The following KCNQ5 variants were observed in gnomAD, a reference collection of about 807,000 sequenced individuals.
KCNQ5 encodes potassium voltage-gated channel subfamily KQT member 5.
KCNQ5 carries 30 observed loss-of-function variants against 98.2 expected under a neutral mutation model. The ratio of observed to expected loss-of-function variants is 0.31; its 90% CI spans 0.23 to 0.41. The LOEUF (loss-of-function observed/expected upper bound fraction) is 0.41, where lower values mean the gene tolerates loss of function less well. Among genes scored for constraint, KCNQ5 ranks in the 10% least tolerant of loss-of-function variants. The pLI is 1.00. For missense variants in KCNQ5, 835 were observed against 1,182.5 expected (o/e 0.71, Z 4.31); for synonymous variants, 458 against 449.4 (o/e 1.02, Z -0.24).
chr6:73,117,799 T>C (rs1775568608), intron 7 of KCNQ5, among the ~76,000 whole-genome samples: 1 of 152,228 alleles, frequency 6.6e-6, no homozygotes, highest in Non-Finnish European at 1.5e-5. Context: ...ATCCATGTGT[T>C]TTCCTTAATT....
intron 1 of KCNQ5, among the ~76,000 whole-genome samples, chr6:72,737,117 C>T (rs1770890778): frequency 6.6e-6 from 1 of 152,224 alleles, no homozygotes; most frequent in African/African-American, 2.4e-5. Flanking sequence ...TCTGCCATCA[C>T]GCCCGGCTAA....
intron 1 of KCNQ5, among the ~76,000 whole-genome samples, chr6:72,735,357 G>A (rs1434963377): frequency 6.6e-6 from 1 of 152,138 alleles, no homozygotes; most frequent in African/African-American, 2.4e-5. Flanking sequence ...AAGCATTGAA[G>A]ACATTATTTG....
At chr6:72,814,108 G>A (rs768707966) in intron 1 of KCNQ5, among the ~76,000 whole-genome samples, 1 of 152,192 alleles carries the variant, frequency 6.6e-6, no homozygotes, top group Admixed American at 6.5e-5. Flanking sequence ...GCAGAGCCAG[G>A]CCCAAGGCCA....
intron 2 of KCNQ5, among the ~76,000 whole-genome samples, chr6:73,028,980 A>G (rs1024111930): frequency 1.3e-5 from 2 of 152,200 alleles, no homozygotes; most frequent in Admixed American, 6.5e-5. Flanking sequence ...TTCCAAATCA[A>G]TTCAAGCAAT....
At chr6:72,738,052 G>A (rs1003525240) in intron 1 of KCNQ5, among the ~76,000 whole-genome samples, 2 of 152,126 alleles carry the variant, frequency 1.3e-5, no homozygotes, top group African/African-American at 4.8e-5. Flanking sequence ...CTACTCAGGA[G>A]GCTGAGGCAG....
At chr6:72,847,759 A>C (rs766904650) in intron 1 of KCNQ5, among the ~76,000 whole-genome samples, 3 of 152,208 alleles carry the variant, frequency 2.0e-5, no homozygotes, top group Non-Finnish European at 4.4e-5. Context: ...TTAGACAATG[A>C]AACTTTCAGA....
chr6:72,763,881 T>C (rs1772418637), intron 1 of KCNQ5, among the ~76,000 whole-genome samples: 1 of 152,088 alleles, frequency 6.6e-6, no homozygotes, highest in Non-Finnish European at 1.5e-5. Context: ...CACCATTTTG[T>C]TGTCCTGTAT....
chr6:72,893,033 C>T (rs1186556109), intron 1 of KCNQ5, among the ~76,000 whole-genome samples: 1 of 152,082 alleles, frequency 6.6e-6, no homozygotes, highest in Non-Finnish European at 1.5e-5. Flanking sequence ...CCAGAACATT[C>T]CATATTGTGT....
At chr6:72,859,231 A>G (rs1777658699) in intron 1 of KCNQ5, among the ~76,000 whole-genome samples, 1 of 152,156 alleles carries the variant, frequency 6.6e-6, no homozygotes, top group Non-Finnish European at 1.5e-5. Flanking sequence ...TTCTATAATA[A>G]TAAACTTTTC....
At chr6:72,651,871 C>T (rs1271451398) in intron 1 of KCNQ5, among the ~76,000 whole-genome samples, 2 of 151,842 alleles carry the variant, frequency 1.3e-5, no homozygotes, top group Non-Finnish European at 2.9e-5. Flanking sequence ...GAAAAATTTC[C>T]CATTAAATTT....
chr6:72,786,823 A>T (rs939354590), intron 1 of KCNQ5, among the ~76,000 whole-genome samples: 1 of 151,532 alleles, frequency 6.6e-6, no homozygotes, highest in African/African-American at 2.4e-5. Context: ...TGGCTAACAC[A>T]GTGAAACCCC....
intron 1 of KCNQ5, among the ~76,000 whole-genome samples, chr6:72,696,936 C>T (rs1768536556): frequency 6.6e-6 from 1 of 152,160 alleles, no homozygotes; most frequent in Non-Finnish European, 1.5e-5. Context: ...AGTGATAAAA[C>T]TCTATCAAAG....
At position 73,157,541 on chromosome 6, in the gene KCNQ5, T is replaced by C. The variant is rs115992814; in HGVS notation, c.1469-12205T>C. On this transcript the variant is annotated intron_variant, in intron 10 of 13. Transcript: ENST00000370398. ...ACTAACAGAACTGACGATACTTCCA[T>C]CCTTGCTGGGTGGTGTCAGAGGAAG... The C allele has an allele frequency of 6.8e-4, 501 of 741,008 alleles. 2 individuals carry two copies. In the African/African-American group the frequency reaches 7.7e-3, roughly 11 times the overall value. 45.9% of individuals were successfully genotyped at this position (741,008 alleles called of 1,614,324 possible).
intron 1 of KCNQ5, among the ~76,000 whole-genome samples, chr6:72,979,127 G>T (rs58849800): frequency 1.3e-5 from 2 of 152,086 alleles, no homozygotes; most frequent in Non-Finnish European, 1.5e-5. Flanking sequence ...GAATAGTGCC[G>T]CAGTAAACAT....
chr6:72,812,625 G>A (rs2150106143), intron 1 of KCNQ5, among the ~76,000 whole-genome samples: 1 of 152,260 alleles, frequency 6.6e-6, no homozygotes, highest in South Asian at 2.1e-4. Context: ...TATGAGGAAG[G>A]TCACTCCTGG....
At position 73,177,234 on chromosome 6, in the gene KCNQ5, T is replaced by A. The variant is rs532027525; in HGVS notation, c.1577+7380T>A. ...AGAAGGAAAAGGGTTTGAAGCCAGA[T>A]GGTAAATAGAACACTTTTTTAAATT... On this transcript the variant is annotated intron_variant, in intron 11 of 13. Transcript: ENST00000370398. Among the ~76,000 whole-genome samples, 28 of 152,334 alleles carry A rather than the reference T, an allele frequency of 1.8e-4. 1 individual carries two copies. In the South Asian group the frequency reaches 5.8e-3, roughly 32 times the overall value.
At chr6:73,192,729 A>C in intron 13 of KCNQ5, 38 bp downstream of exon 13, 2 of 1,501,664 alleles carry the variant, frequency 1.3e-6, no homozygotes, top group Non-Finnish European at 1.8e-6. Context: ...TTTAGCCAGA[A>C]TTTTTTTAAT....
chr6:72,768,495 T>C (rs1772688255), intron 1 of KCNQ5, among the ~76,000 whole-genome samples: 2 of 152,044 alleles, frequency 1.3e-5, no homozygotes, highest in Non-Finnish European at 2.9e-5. Flanking sequence ...AGTTTTGCTT[T>C]TTGATGTGAC....
intron 3 of KCNQ5, among the ~76,000 whole-genome samples, chr6:73,071,921 T>C (rs779486065): frequency 1.1e-4 from 17 of 152,314 alleles, no homozygotes; most frequent in South Asian, 2.1e-4. Context: ...TTGTATTGTT[T>C]TGATATTTTA....
Sources: allele counts gnomAD v4.1 joint callset (sites outside exome capture counted in the v4.1 genomes callset), GRCh38; gene constraint gnomAD v4.1.1; transcripts MANE v1.5; gene names NCBI Gene and HGNC (gene_info 2026-07-23, HGNC 2026-07-21).